Variants in PRMT7 observed in about 807,000 individuals in gnomAD.
PRMT7 encodes protein arginine methyltransferase 7.
Under a neutral mutation model 85.4 loss-of-function variants are expected in PRMT7, and 75 were observed. That is an observed-to-expected ratio of 0.88 (90% CI 0.73 to 1.06). PRMT7 has a LOEUF of 1.06. PRMT7 is among the 50% of genes least tolerant of loss of function. The pLI, the probability that PRMT7 is intolerant of heterozygous loss-of-function variation, is 0.00. For missense variants in PRMT7, 868 were observed against 915.2 expected, an observed-to-expected ratio of 0.95 and a Z score of 0.67; for synonymous variants, 397 against 359.5, an observed-to-expected ratio of 1.10 and a Z score of -1.18.
chr16:68,347,302 C>CAT lies in PRMT7; in HGVS notation c.1275+9_1275+10dup. On this transcript the variant is annotated intron_variant, in intron 12 of 18. Transcript: ENST00000441236. ...CACCTGGGGGTGGAGCAGGTACTGA[C>CAT]ATGCACCCTTGTCAGCCTCCTGATG... is the stretch of plus-strand genomic sequence containing the variant. 1 of 1,531,356 alleles carries CAT rather than the reference C, an allele frequency of 6.5e-7. No individual in the cohort carries two copies. Among genetic ancestry groups the CAT allele is most frequent in the South Asian group, 1.2e-5 (1 of 82,878 alleles). The allele number at this position is 1,531,356 out of a possible 1,614,324, so 94.9% of individuals were successfully genotyped here.
intron 4 of PRMT7, among the ~76,000 whole-genome samples, chr16:68,323,103 T>G (rs1214462860): frequency 2.0e-5 from 3 of 152,170 alleles, no homozygotes; most frequent in Non-Finnish European, 2.9e-5. Flanking sequence ...ATAAATGCAC[T>G]TACTTTGACA....
chr16:68,323,163 A>C (rs2082698962), intron 4 of PRMT7, among the ~76,000 whole-genome samples: 1 of 151,324 alleles, frequency 6.6e-6, no homozygotes, highest in South Asian at 2.1e-4. Context: ...CAGACTAAAC[A>C]TTTTTGTGCT....
intron 14 of PRMT7, 114 bp downstream of exon 14, chr16:68,348,545 G>C: frequency 1.5e-6 from 1 of 649,936 alleles, no homozygotes; most frequent in Non-Finnish European, 2.5e-6. Context: ...TCCTCCACAT[G>C]CAACCTTACC....
At chr16:68,350,970 A>T (rs2087232520) in intron 14 of PRMT7, among the ~76,000 whole-genome samples, 2 of 152,194 alleles carry the variant, frequency 1.3e-5, no homozygotes, top group Non-Finnish European at 2.9e-5. Flanking sequence ...TTCTCAGCTG[A>T]TGGACATTTG....
At chr16:68,326,305 G>A (rs2083107185) in intron 5 of PRMT7, among the ~76,000 whole-genome samples, 1 of 152,144 alleles carries the variant, frequency 6.6e-6, no homozygotes, top group Non-Finnish European at 1.5e-5. Flanking sequence ...CTTTTTCGTG[G>A]CGTGATCTCT....
At chr16:68,340,666 G>A (rs1331444307) in intron 9 of PRMT7, among the ~76,000 whole-genome samples, 1 of 152,142 alleles carries the variant, frequency 6.6e-6, no homozygotes, top group Non-Finnish European at 1.5e-5. Context: ...TAAACAGTTT[G>A]CAAGCACACT....
intron 9 of PRMT7, among the ~76,000 whole-genome samples, chr16:68,340,211 C>T (rs549284207): frequency 2.6e-5 from 4 of 152,132 alleles, no homozygotes; most frequent in South Asian, 2.1e-4. Context: ...TTTCCTCTCC[C>T]GCCTCATCAT....
At chr16:68,324,929 G>A in intron 5 of PRMT7, 97 bp downstream of exon 5, 1 of 1,494,772 alleles carries the variant, frequency 6.7e-7, no homozygotes, top group Middle Eastern at 2.4e-4. Context: ...AACATTCATG[G>A]AGTGCTCACT....
intron 3 of PRMT7, among the ~76,000 whole-genome samples, chr16:68,317,237 CA>C (rs35849810): frequency 0.023 from 2,392 of 104,080 alleles, 66 homozygotes; most frequent in African/African-American, 0.082. Flanking sequence ...GACTCTGTCT[CA>C]AAAAAAAAAA....
chr16:68,333,830 T>G (rs1458179356), intron 6 of PRMT7, among the ~76,000 whole-genome samples: 1 of 152,142 alleles, frequency 6.6e-6, no homozygotes, highest in Non-Finnish European at 1.5e-5. Flanking sequence ...TGGAGTGCAG[T>G]GGCATGACCT....
chr16:68,357,656 T>G lies in PRMT7; in HGVS notation c.*432T>G. On this transcript the variant is annotated 3_prime_UTR_variant, in exon 19 of 19. Coordinates refer to ENST00000441236, the MANE Select transcript of PRMT7 (RefSeq NM_019023.5). ...CTCGAGGATCTCCGGGTCCCTGCTC[T>G]TCTGGCTTCTGCTAGGAGGGTGGAG... The G allele has an allele frequency of 3.1e-5, 1 of 31,864 alleles. No individual in the cohort carries two copies. Among genetic ancestry groups the G allele is most frequent in the Non-Finnish European group, 5.3e-5 (1 of 18,706 alleles). The allele number at this position is 31,864 out of a possible 1,614,324, so 2.0% of individuals were successfully genotyped here. A position where few individuals can be genotyped will look rare whatever the true frequency, so the allele number is the denominator to read the frequency against.
chr16:68,350,731 C>T (rs562373667), intron 14 of PRMT7, among the ~76,000 whole-genome samples: 12 of 152,314 alleles, frequency 7.9e-5, no homozygotes, highest in Middle Eastern at 3.4e-3. Flanking sequence ...ACCATTTGTC[C>T]GCAGTCCCCC....
intron 7 of PRMT7, 130 bp from the exon 8 acceptor site, chr16:68,339,192 T>C: frequency 8.5e-7 from 1 of 1,179,534 alleles, no homozygotes; most frequent in Non-Finnish European, 1.2e-6. Context: ...TTCACTATTC[T>C]AATAGTATAA....
At position 68,348,381 on chromosome 16, in the gene PRMT7, A is replaced by T; in HGVS notation, c.1363A>T (p.Ile455Leu). 6.2e-7 allele frequency: 1 copy of T among 1,612,554 alleles called. No individual in the cohort carries two copies. The highest frequency in any genetic ancestry group is 8.5e-7 in the Non-Finnish European group (1 of 1,178,618). ...ANHLEDKINI[I>L]EKRPELLTNE... Reference sequence around the variant, plus strand: ...CCACTTGGAAGATAAAATTAACATCATAGAGAAACGGCCGGAATTATTAAC... The same window carrying T: ...CCACTTGGAAGATAAAATTAACATCTTAGAGAAACGGCCGGAATTATTAAC... The change falls in exon 14 of 19, where the codon ATA (isoleucine) becomes TTA (leucine). Residue 455 changes from isoleucine to leucine, a missense_variant. Physicochemically the swap from Ile to Leu is conservative, Grantham distance 5. Transcript: ENST00000441236.
Position 68,329,107 on chromosome 16 carries a change from G to A in PRMT7, c.324G>A (p.Glu108=). 1 of 1,612,956 alleles carries A rather than the reference G, an allele frequency of 6.2e-7. No individual in the cohort carries two copies. ...CTGATGCTGCTGTGAAGATTGTGGAGAAAAATGGCTTTAGTGATAAGATTA... is the reference window on the plus strand; with the variant it reads ...CTGATGCTGCTGTGAAGATTGTGGAAAAAAATGGCTTTAGTGATAAGATTA... ...PMADAAVKIV[E]KNGFSDKIKV... is the part of the protein sequence containing the mutation. Residue 108 remains glutamate, a synonymous_variant, in exon 6 of 19, where the codon GAG becomes GAA. Transcript: ENST00000441236.
chr16:68,323,915 CAG>C (rs1469865220), intron 4 of PRMT7: 2 of 152,136 alleles, frequency 1.3e-5, no homozygotes, highest in Non-Finnish European at 2.9e-5. Flanking sequence ...TTACTAAAGA[CAG>C]AAGTAAAAAT....
intron 3 of PRMT7, chr16:68,319,076 G>T (rs951855271): frequency 6.6e-6 from 1 of 152,288 alleles, no homozygotes; most frequent in African/African-American, 2.4e-5. Flanking sequence ...AAGTGGATGG[G>T]GCCTGCAAGG....
At chr16:68,334,057 C>A (rs1253497091) in intron 6 of PRMT7, among the ~76,000 whole-genome samples, 1 of 152,222 alleles carries the variant, frequency 6.6e-6, no homozygotes, top group Non-Finnish European at 1.5e-5. Flanking sequence ...AGGCATGAAC[C>A]ACCACGCCTG....
At chr16:68,315,368 A>G (rs1332895604) in intron 2 of PRMT7, 1 of 153,550 alleles carries the variant, frequency 6.5e-6, no homozygotes, top group African/African-American at 2.4e-5. Context: ...GTGTTGTGTG[A>G]TTTGCTGTTT....
Sources: allele counts gnomAD v4.1 joint callset (sites outside exome capture counted in the v4.1 genomes callset), GRCh38; gene constraint gnomAD v4.1.1; transcripts MANE v1.5; gene names NCBI Gene and HGNC (gene_info 2026-07-23, HGNC 2026-07-21).